MS4A14: variants seen among roughly 807,000 people sequenced by gnomAD.
The protein encoded by MS4A14 is membrane spanning 4-domains A14, also known as membrane-spanning 4-domains subfamily A member 14.
A neutral mutation model predicts 16.7 loss-of-function variants in MS4A14; 18 were observed. The observed-to-expected ratio is 1.08, with a 90% CI of 0.75 to 1.60. The LOEUF is 1.60. Among genes scored for constraint, MS4A14 ranks in the 40% most tolerant of loss-of-function variants. The pLI is 0.00. For synonymous variants in MS4A14, 305 were observed against 289.4 expected (o/e 1.05, Z -0.55); for missense variants, 812 against 775.3 (o/e 1.05, Z -0.56).
chr11:60,396,816 G>C, intron 1 of MS4A14, 100 bp downstream of exon 1: 1 of 1,265,492 alleles, frequency 7.9e-7, no homozygotes, highest in Non-Finnish European at 1.1e-6. Flanking sequence ...TTTCAGGGAG[G>C]GAGTTAATTC....
Position 60,400,383 on chromosome 11 carries a change from T to A in MS4A14, c.268-21T>A, listed in dbSNP as rs74609418. 1,549 of 1,565,854 alleles carry A rather than the reference T, an allele frequency of 9.9e-4. 12 individuals carry two copies. In the African/African-American group the frequency reaches 0.02, roughly 20 times the overall value. On this transcript the variant is annotated intron_variant, in intron 2 of 4. Coordinates refer to ENST00000300187, the MANE Select transcript of MS4A14 (RefSeq NM_032597.5). ...GTCAAACACATCACCTGTTAACTTT[T>A]GTCTCTTGTCTTCTTAACAGTTTAT... is the stretch of plus-strand genomic sequence containing the variant.
At chr11:60,397,772 A>T in intron 1 of MS4A14, 80 bp from the exon 2 acceptor site, 1 of 1,363,738 alleles carries the variant, frequency 7.3e-7, no homozygotes, top group Non-Finnish European at 1.0e-6. Flanking sequence ...TGTGCCATGG[A>T]GGCACACCCT....
At chr11:60,397,207 G>T (rs1398110815) in intron 1 of MS4A14, among the ~76,000 whole-genome samples, 1 of 152,138 alleles carries the variant, frequency 6.6e-6, no homozygotes, top group Non-Finnish European at 1.5e-5. Context: ...ACAAAATCTA[G>T]ACTGCCAGAG....
chr11:60,397,621 T>G (rs1246226317), intron 1 of MS4A14, among the ~76,000 whole-genome samples: 1 of 151,860 alleles, frequency 6.6e-6, no homozygotes, highest in Non-Finnish European at 1.5e-5. Flanking sequence ...AGATAGAAAA[T>G]AATAAAGAAT....
chr11:60,409,463 C>T (rs1195613103), intron 4 of MS4A14, among the ~76,000 whole-genome samples: 1 of 151,694 alleles, frequency 6.6e-6, no homozygotes, highest in Non-Finnish European at 1.5e-5. Context: ...ATAATGTCCT[C>T]CAGGTTAATG....
At chr11:60,412,304 ATTGT>A (rs1018322527) in intron 4 of MS4A14, among the ~76,000 whole-genome samples, 10 of 150,384 alleles carry the variant, frequency 6.6e-5, no homozygotes, top group South Asian at 2.1e-4. Flanking sequence ...TTTGAGAATA[ATTGT>A]TTTTTTTTTT....
At position 60,415,736 on chromosome 11, in the gene MS4A14, GA is replaced by G; in HGVS notation, c.773del (p.Lys258SerfsTer10). On this transcript the variant is annotated frameshift_variant, in exon 5 of 5. Transcript: ENST00000300187. LOFTEE classifies it low-confidence loss of function (END_TRUNC). ...EIEPLPPTLE[K>X]KPSENMSIQL... ...TTGAACCTTTGCCTCCCACACTAGA[GA>G]AAAAGCCCTCAGAAAATATGTCCAT... 1 of 1,613,792 alleles carries G rather than the reference GA, an allele frequency of 6.2e-7. No homozygotes were observed. The highest frequency in any genetic ancestry group is 2.2e-5 in the East Asian group (1 of 44,870).
intron 1 of MS4A14, 31 bp downstream of exon 1, chr11:60,396,747 G>C (rs756021858): frequency 1.9e-6 from 3 of 1,598,958 alleles, no homozygotes; most frequent in Non-Finnish European, 2.6e-6. Context: ...AGGTCTTCCA[G>C]AAGGGGAGAA....
chr11:60,412,661 TC>T (rs1590819140), intron 4 of MS4A14, among the ~76,000 whole-genome samples: 5 of 151,964 alleles, frequency 3.3e-5, no homozygotes, highest in Admixed American at 1.3e-4. Flanking sequence ...ATTTTGTTGA[TC>T]TTTTAAAAGA....
In MS4A14 at chr11:60,400,390, T is replaced by C. The variant is rs777239603; in HGVS notation, c.268-14T>C. 7.0e-6 allele frequency: 11 copies of C among 1,582,548 alleles called. No homozygotes were observed. The South Asian group carries it at 9.2e-5, about 13-fold the overall frequency. On this transcript the variant is annotated splice_polypyrimidine_tract_variant and intron_variant, in intron 2 of 4. Coordinates refer to ENST00000300187, the MANE Select transcript of MS4A14 (RefSeq NM_032597.5). ...ACATCACCTGTTAACTTTTGTCTCT[T>C]GTCTTCTTAACAGTTTATTCTTACA...
intron 2 of MS4A14, among the ~76,000 whole-genome samples, chr11:60,399,220 T>G (rs561890245): frequency 2.0e-5 from 3 of 152,284 alleles, no homozygotes; most frequent in Non-Finnish European, 4.4e-5. Flanking sequence ...TGCTAAGTGC[T>G]CTAAGAGGAG....
At chr11:60,397,551 G>A (rs1305943283) in intron 1 of MS4A14, among the ~76,000 whole-genome samples, 3 of 152,070 alleles carry the variant, frequency 2.0e-5, no homozygotes, top group Non-Finnish European at 4.4e-5. Context: ...TTATAATCTG[G>A]GGGTAGTCAG....
rs1033370529 is a variant in MS4A14, at chr11:60,417,736, T to C, written c.*728T>C. ...TATGTATGTGAAGAAATAATTCACATGTATATTCCTTGTCATCAAAGTTAG... is the reference window on the plus strand; with the variant it reads ...TATGTATGTGAAGAAATAATTCACACGTATATTCCTTGTCATCAAAGTTAG... On this transcript the variant is annotated 3_prime_UTR_variant, in exon 5 of 5. Coordinates refer to ENST00000300187, the MANE Select transcript of MS4A14 (RefSeq NM_032597.5). 5.3e-5 allele frequency: 8 copies of C among 152,300 alleles called. No homozygotes were observed. The South Asian group carries it at 1.7e-3, about 32-fold the overall frequency. The allele number at this position is 152,300 out of a possible 1,614,324, so 9.4% of individuals were successfully genotyped here.
Position 60,415,759 on chromosome 11 carries a change from C to T in MS4A14, c.791C>T (p.Ser264Phe). ...GAGAAAAAGCCCTCAGAAAATATGTCCATTCAGCTAGACTCTACATTTAAA... is the reference window on the plus strand; with the variant it reads ...GAGAAAAAGCCCTCAGAAAATATGTTCATTCAGCTAGACTCTACATTTAAA... The part of the protein sequence containing the change: ...TLEKKPSENM[S>F]IQLDSTFKQM... The change falls in exon 5 of 5, where the codon TCC becomes TTC. Residue 264 changes from serine to phenylalanine, a missense_variant. Ser to Phe is a radical substitution (Grantham distance 155, BLOSUM62 -2). Coordinates refer to ENST00000300187, the MANE Select transcript of MS4A14 (RefSeq NM_032597.5). 6.2e-7 allele frequency: 1 copy of T among 1,613,900 alleles called. No homozygotes were observed. The highest frequency in any genetic ancestry group is 8.5e-7 in the Non-Finnish European group (1 of 1,179,864).
Position 60,415,554 on chromosome 11 carries a change from A to C in MS4A14, c.586A>C (p.Asn196His). 6.2e-7 allele frequency: 1 copy of C among 1,613,792 alleles called. No homozygotes were observed. The highest frequency in any genetic ancestry group is 1.1e-5 in the South Asian group (1 of 91,058). Residue 196 changes from asparagine to histidine, a missense_variant, in exon 5 of 5, where the codon AAT becomes CAT. Coordinates refer to ENST00000300187, the MANE Select transcript of MS4A14 (RefSeq NM_032597.5). The part of the protein sequence containing the change: ...EEFSSDDSTT[N>H]AQSVIFGGYA... Reference sequence around the variant, plus strand: ...GTTTTCCAGTGATGATTCAACAACAAATGCACAATCTGTTATCTTTGGAGG... The same window carrying C: ...GTTTTCCAGTGATGATTCAACAACACATGCACAATCTGTTATCTTTGGAGG...
chr11:60,416,276 G>A lies in MS4A14; in HGVS notation c.1308G>A (p.Gln436=), dbSNP rs1377794042. ...QFPEIQHLLQ[Q]PPDLQPENTE... The stretch of plus-strand genomic sequence containing the variant: ...CTGAAATACAACACCTACTTCAGCA[G>A]CCCCCAGATCTTCAACCAGAAAACA... The change falls in exon 5 of 5, where the codon CAG becomes CAA. Residue 436 remains glutamine (Q), a synonymous_variant. Transcript: ENST00000300187. The A allele has an allele frequency of 6.2e-7, 1 of 1,613,950 alleles. No individual in the cohort carries two copies. The highest frequency in any genetic ancestry group is 8.5e-7 in the Non-Finnish European group (1 of 1,179,976).
At chr11:60,413,310 C>T (rs1228669360) in intron 4 of MS4A14, among the ~76,000 whole-genome samples, 2 of 151,676 alleles carry the variant, frequency 1.3e-5, no homozygotes, top group Non-Finnish European at 3.0e-5. Context: ...AAACTTTATG[C>T]CTCATTTTTC....
intron 2 of MS4A14, 167 bp downstream of exon 2, chr11:60,398,147 T>C (rs2085658115): frequency 1.7e-6 from 1 of 572,292 alleles, no homozygotes; most frequent in African/African-American, 2.0e-5. Flanking sequence ...TGCACTACCA[T>C]CATCATTGTA....
At chr11:60,403,528 G>A (rs1045356537) in intron 4 of MS4A14, among the ~76,000 whole-genome samples, 9 of 152,218 alleles carry the variant, frequency 5.9e-5, no homozygotes, top group Admixed American at 2.0e-4. Flanking sequence ...GTGGGGGAAG[G>A]TATTTAGAAG....
Sources: gnomAD v4.1 joint callset for allele counts (sites outside exome capture counted in the v4.1 genomes callset) on GRCh38, gnomAD v4.1.1 for gene constraint, MANE v1.5 for transcripts, NCBI Gene and HGNC (gene_info 2026-07-23, HGNC 2026-07-21) for gene names.